The following CACHD1 variants were observed in gnomAD, a reference collection of about 807,000 sequenced individuals.
CACHD1 encodes VWFA and cache domain-containing protein 1.
Under a neutral mutation model 138.7 loss-of-function variants are expected in CACHD1, and 71 were observed. That is an observed-to-expected ratio of 0.51 (90% CI 0.42 to 0.62). The LOEUF is 0.62. CACHD1 is among the 20% of genes least tolerant of loss of function. The pLI, the probability that CACHD1 is intolerant of heterozygous loss-of-function variation, is 0.00. For missense variants in CACHD1, 1,389 were observed against 1,625.3 expected, an observed-to-expected ratio of 0.85 and a Z score of 2.50; for synonymous variants, 578 against 591.5, an observed-to-expected ratio of 0.98 and a Z score of 0.33.
At chr1:64,604,667 C>A (rs1003154240) in intron 4 of CACHD1, among the ~76,000 whole-genome samples, 14 of 151,978 alleles carry the variant, frequency 9.2e-5, no homozygotes, top group Admixed American at 9.2e-4. Context: ...TTCTTTTTTT[C>A]TTTGAGATAG....
chr1:64,657,192 T>C (rs1307870155), intron 12 of CACHD1, among the ~76,000 whole-genome samples: 3 of 152,154 alleles, frequency 2.0e-5, no homozygotes, highest in Non-Finnish European at 4.4e-5. Flanking sequence ...CTTCAAAACA[T>C]GGATCCCATG....
At chr1:64,582,421 A>C in intron 3 of CACHD1, 117 bp downstream of exon 3, 1 of 910,098 alleles carries the variant, frequency 1.1e-6, no homozygotes. Flanking sequence ...CTTGTTTCCC[A>C]CTATTTAAGA....
At chr1:64,487,980 TTTTATGA>T (rs1395839600) in intron 1 of CACHD1, among the ~76,000 whole-genome samples, 4 of 152,196 alleles carry the variant, frequency 2.6e-5, no homozygotes, top group Non-Finnish European at 4.4e-5. Flanking sequence ...TGGTAGATGC[TTTTATGA>T]TTTATGTTTT....
chr1:64,621,634 A>G (rs911827036), intron 4 of CACHD1, among the ~76,000 whole-genome samples: 2 of 152,240 alleles, frequency 1.3e-5, no homozygotes, highest in Non-Finnish European at 2.9e-5. Flanking sequence ...AATTTCAGGC[A>G]AAACCTGAAG....
intron 10 of CACHD1, among the ~76,000 whole-genome samples, chr1:64,653,406 AAAG>A (rs910041439): frequency 2.8e-5 from 4 of 144,962 alleles, no homozygotes; most frequent in Admixed American, 6.9e-5. Context: ...AAAAAAAAAA[AAAG>A]AAGAATGTCA....
intron 4 of CACHD1, among the ~76,000 whole-genome samples, chr1:64,609,197 A>T (rs1428723905): frequency 6.6e-6 from 1 of 152,210 alleles, no homozygotes; most frequent in Non-Finnish European, 1.5e-5. Flanking sequence ...TTAAAATACC[A>T]TGAAAATTAC....
intron 7 of CACHD1, 57 bp downstream of exon 7, chr1:64,634,317 A>G: frequency 1.7e-6 from 2 of 1,193,408 alleles, no homozygotes; most frequent in Non-Finnish European, 2.5e-6. Flanking sequence ...GGCAATAGGA[A>G]TATATTGTAA....
chr1:64,627,563 C>T (rs186469355), intron 4 of CACHD1, among the ~76,000 whole-genome samples: 10 of 152,242 alleles, frequency 6.6e-5, no homozygotes, highest in East Asian at 1.9e-4. Flanking sequence ...GGAGAAGAGG[C>T]GGGCACATGA....
intron 4 of CACHD1, among the ~76,000 whole-genome samples, chr1:64,609,586 T>A (rs1367750734): frequency 6.6e-6 from 1 of 152,176 alleles, no homozygotes; most frequent in African/African-American, 2.4e-5. Flanking sequence ...TGGTCTTTCT[T>A]ATAGTTTCTC....
intron 1 of CACHD1, among the ~76,000 whole-genome samples, chr1:64,521,742 G>A (rs1428470641): frequency 6.6e-6 from 1 of 152,092 alleles, no homozygotes; most frequent in Non-Finnish European, 1.5e-5. Flanking sequence ...GGTATTGCTG[G>A]TTCATATGGT....
intron 1 of CACHD1, among the ~76,000 whole-genome samples, chr1:64,530,434 TGGA>T (rs1222432507): frequency 6.6e-6 from 1 of 152,164 alleles, no homozygotes; most frequent in East Asian, 1.9e-4. Flanking sequence ...AAAAAAAAGT[TGGA>T]GGATCAAGTT....
intron 1 of CACHD1, among the ~76,000 whole-genome samples, chr1:64,477,535 G>A (rs965209229): frequency 2.0e-5 from 3 of 150,998 alleles, no homozygotes; most frequent in African/African-American, 7.3e-5. Context: ...TTAATTGATG[G>A]TCAGGCTGGT....
At chr1:64,569,721 A>G (rs978096119) in intron 2 of CACHD1, among the ~76,000 whole-genome samples, 11 of 151,834 alleles carry the variant, frequency 7.2e-5, no homozygotes, top group African/African-American at 2.4e-4. Flanking sequence ...TCTGCGATCT[A>G]TGTATGTGCA....
At chr1:64,661,904 T>A (rs1171678951) in intron 13 of CACHD1, among the ~76,000 whole-genome samples, 4 of 152,164 alleles carry the variant, frequency 2.6e-5, no homozygotes, top group African/African-American at 9.7e-5. Flanking sequence ...GACAACTATT[T>A]AATAAAATTC....
Position 64,588,010 on chromosome 1 carries a change from T to A in CACHD1, c.410+5706T>A, listed in dbSNP as rs548939680. On this transcript the variant is annotated intron_variant, in intron 3 of 26. Transcript: ENST00000651257. Reference sequence around the variant, plus strand: ...AGATTTGGCAATACTGGATCCACACTGCTACTTGGTAACAGTCTGCTTTCA... The same window carrying A: ...AGATTTGGCAATACTGGATCCACACAGCTACTTGGTAACAGTCTGCTTTCA... 2.0e-5 allele frequency among the ~76,000 whole-genome samples: 3 copies of A among 152,058 alleles called. No homozygotes were observed. In the South Asian group the frequency reaches 6.2e-4, roughly 32 times the overall value.
chr1:64,675,038 C>T (rs1406675706), intron 19 of CACHD1, among the ~76,000 whole-genome samples: 1 of 152,146 alleles, frequency 6.6e-6, no homozygotes, highest in African/African-American at 2.4e-5. Context: ...AAATTTTAAA[C>T]TATTCCTTCC....
chr1:64,619,674 A>G (rs1002496006), intron 4 of CACHD1, among the ~76,000 whole-genome samples: 9 of 152,164 alleles, frequency 5.9e-5, no homozygotes, highest in Non-Finnish European at 1.0e-4. Flanking sequence ...TAACTGCTGC[A>G]TGCCAAGAAT....
chr1:64,533,968 T>C (rs998917242), intron 1 of CACHD1, among the ~76,000 whole-genome samples: 12 of 151,916 alleles, frequency 7.9e-5, no homozygotes, highest in African/African-American at 2.9e-4. Flanking sequence ...TTAGCCAGGA[T>C]GGTCTCAACC....
At chr1:64,556,688 CT>C (rs1319362360) in intron 2 of CACHD1, among the ~76,000 whole-genome samples, 1 of 130,082 alleles carries the variant, frequency 7.7e-6, no homozygotes, top group African/African-American at 2.7e-5. Context: ...TTACTCATTT[CT>C]TTTAAACTAA....
Sources: allele counts gnomAD v4.1 joint callset (sites outside exome capture counted in the v4.1 genomes callset), GRCh38; gene constraint gnomAD v4.1.1; transcripts MANE v1.5; gene names NCBI Gene and HGNC (gene_info 2026-07-23, HGNC 2026-07-21).